Variants in THSD7B observed in about 807,000 individuals in gnomAD.
THSD7B encodes thrombospondin type 1 domain containing 7B.
A neutral mutation model predicts 213.6 loss-of-function variants in THSD7B; 138 were observed. That is an observed-to-expected ratio of 0.65 (90% confidence interval 0.56 to 0.74). THSD7B has a LOEUF of 0.74. Ranked by LOEUF, THSD7B falls within the 30% of genes least tolerant of loss-of-function variation. The probability of loss-of-function intolerance (pLI) is 0.00; values close to 1 mark genes in which losing one functional copy is unlikely to be tolerated. For missense variants in THSD7B, 1,931 were observed against 1,991.5 expected (o/e 0.97, Z 0.58); for synonymous variants, 742 against 687.0 (o/e 1.08, Z -1.25).
At position 137,238,564 on chromosome 2, in the gene THSD7B, T is replaced by TTTTTTTTC. The variant is rs1553481982; in HGVS notation, c.2151-3893_2151-3892insTTTTTTTC. 5.3e-4 allele frequency among the ~76,000 whole-genome samples: 44 copies of TTTTTTTTC among 83,418 alleles called. 1 individual carries two copies. The highest frequency in any genetic ancestry group is 7.4e-3 in the Middle Eastern group (1 of 136). 54.7% of individuals were successfully genotyped at this position (83,418 alleles called of 152,430 possible). ...TTTTTTTTTTTTTTTTTTTTTTTTT[T>TTTTTTTTC]GAGACGGAGTCTCGCTCTGTCGCCC... On this transcript the variant is annotated intron_variant, in intron 9 of 27. Coordinates refer to ENST00000409968, the MANE Select transcript of THSD7B (RefSeq NM_001316349.2).
intron 14 of THSD7B, among the ~76,000 whole-genome samples, chr2:137,441,244 C>A (rs1687404041): frequency 6.6e-6 from 1 of 152,072 alleles, no homozygotes; most frequent in Admixed American, 6.6e-5. Context: ...CTCATGCTGT[C>A]TCTTCTTCAT....
chr2:137,521,537 A>G (rs1213586149), intron 15 of THSD7B, among the ~76,000 whole-genome samples: 5 of 151,490 alleles, frequency 3.3e-5, no homozygotes, highest in East Asian at 3.9e-4. Flanking sequence ...TTCTTGTTGG[A>G]CTCTTTCTCT....
At chr2:137,316,776 G>GA (rs1229992718) in intron 12 of THSD7B, among the ~76,000 whole-genome samples, 3 of 144,472 alleles carry the variant, frequency 2.1e-5, no homozygotes, top group South Asian at 2.3e-4. Context: ...AAAAGAAAAA[G>GA]AAAAAAAAAG....
chr2:137,583,573 C>A (rs1681636823), intron 17 of THSD7B, among the ~76,000 whole-genome samples: 1 of 152,138 alleles, frequency 6.6e-6, no homozygotes, highest in Admixed American at 6.6e-5. Context: ...CCAGTTTTCC[C>A]AGCACCATTT....
chr2:137,297,498 T>A (rs1473029133), intron 12 of THSD7B, among the ~76,000 whole-genome samples: 1 of 151,948 alleles, frequency 6.6e-6, no homozygotes, highest in Non-Finnish European at 1.5e-5. Flanking sequence ...AGGAGTAAAT[T>A]GATCACCAAA....
At position 137,545,119 on chromosome 2, in the gene THSD7B, A is replaced by T. The variant is rs189405860; in HGVS notation, c.3139-18102A>T. On this transcript the variant is annotated intron_variant, in intron 15 of 27. Coordinates refer to ENST00000409968, the MANE Select transcript of THSD7B (RefSeq NM_001316349.2). ...TTGTGGGAATGCAGCTGTATTTTTG[A>T]TGAAGAAAATGAGACAGTTGGAATT... is the stretch of plus-strand genomic sequence containing the variant. Among the ~76,000 whole-genome samples, 370 of 151,926 alleles carry T rather than the reference A, an allele frequency of 2.4e-3. 1 individual carries two copies. The highest frequency in any genetic ancestry group is 8.4e-3 in the African/African-American group (350 of 41,516).
intron 15 of THSD7B, among the ~76,000 whole-genome samples, chr2:137,468,493 A>C (rs866013699): frequency 5.3e-5 from 8 of 151,832 alleles, no homozygotes; most frequent in African/African-American, 1.9e-4. Context: ...CATGTGTCTT[A>C]TCTTCTATCG....
intron 2 of THSD7B, among the ~76,000 whole-genome samples, chr2:136,934,545 A>G (rs183121843): frequency 2.0e-5 from 3 of 152,326 alleles, no homozygotes; most frequent in Middle Eastern, 3.4e-3. Flanking sequence ...ATGAATCTGT[A>G]GACCTGCAGA....
intron 15 of THSD7B, among the ~76,000 whole-genome samples, chr2:137,513,956 C>T (rs896253575): frequency 6.6e-6 from 1 of 152,192 alleles, no homozygotes; most frequent in East Asian, 1.9e-4. Flanking sequence ...CTCAAAGTAG[C>T]AACACAGTTG....
At chr2:137,404,660 G>A (rs1174493394) in intron 12 of THSD7B, among the ~76,000 whole-genome samples, 1 of 150,294 alleles carries the variant, frequency 6.7e-6, no homozygotes, top group Admixed American at 6.6e-5. Flanking sequence ...ATATATGATG[G>A]AATATTACTC....
At chr2:137,384,006 A>T (rs1416356010) in intron 12 of THSD7B, among the ~76,000 whole-genome samples, 2 of 152,170 alleles carry the variant, frequency 1.3e-5, no homozygotes, top group Admixed American at 1.3e-4. Context: ...TTTTTAAAAA[A>T]ATCTCATGGG....
intron 15 of THSD7B, among the ~76,000 whole-genome samples, chr2:137,455,896 G>A (rs930372196): frequency 2.0e-5 from 3 of 152,124 alleles, no homozygotes; most frequent in Non-Finnish European, 2.9e-5. Context: ...TTAAAGCCCT[G>A]TTGGACTTAC....
chr2:137,478,016 T>A (rs902751768), intron 15 of THSD7B, among the ~76,000 whole-genome samples: 1 of 152,114 alleles, frequency 6.6e-6, no homozygotes, highest in African/African-American at 2.4e-5. Context: ...TGTAGAATTC[T>A]CTTTTTCTTT....
Position 137,453,588 on chromosome 2 carries a change from C to G in THSD7B, c.3138+2565C>G, listed in dbSNP as rs754824138. On this transcript the variant is annotated intron_variant, in intron 15 of 27. Transcript: ENST00000409968. The stretch of plus-strand genomic sequence containing the variant: ...TCGTGCTCTGCCCGCCTCGGCCTCC[C>G]AAAGTGCTGGGATTACAGGCGTGAG... Among the ~76,000 whole-genome samples the G allele has an allele frequency of 8.6e-4, 131 of 152,222 alleles. 1 individual carries two copies. Among genetic ancestry groups the G allele is most frequent in the Non-Finnish European group, 1.4e-3 (96 of 68,000 alleles).
intron 2 of THSD7B, among the ~76,000 whole-genome samples, chr2:137,002,078 C>T (rs1026409810): frequency 1.3e-5 from 2 of 152,060 alleles, no homozygotes; most frequent in Non-Finnish European, 2.9e-5. Context: ...TGACTTTTGC[C>T]TTCCGCATAT....
At chr2:137,234,549 A>T (rs1329755209) in intron 9 of THSD7B, among the ~76,000 whole-genome samples, 3 of 152,148 alleles carry the variant, frequency 2.0e-5, no homozygotes, top group Non-Finnish European at 4.4e-5. Context: ...TGCAAGTCGT[A>T]CTGTGACTTG....
At chr2:137,352,212 G>A (rs1179760056) in intron 12 of THSD7B, among the ~76,000 whole-genome samples, 1 of 151,852 alleles carries the variant, frequency 6.6e-6, no homozygotes, top group African/African-American at 2.4e-5. Flanking sequence ...AAATTTTCAT[G>A]TAATTATAAA....
chr2:137,360,818 C>A (rs1685239109), intron 12 of THSD7B, among the ~76,000 whole-genome samples: 1 of 152,234 alleles, frequency 6.6e-6, no homozygotes, highest in African/African-American at 2.4e-5. Flanking sequence ...CTTCTGCAGA[C>A]TTAAACATCC....
At chr2:136,932,539 T>C (rs543986013) in intron 2 of THSD7B, among the ~76,000 whole-genome samples, 2 of 152,214 alleles carry the variant, frequency 1.3e-5, no homozygotes, top group Non-Finnish European at 2.9e-5. Context: ...TAACCTATTT[T>C]GTATATTATA....
Sources: allele counts gnomAD v4.1 joint callset (sites outside exome capture counted in the v4.1 genomes callset), GRCh38; gene constraint gnomAD v4.1.1; transcripts MANE v1.5; gene names NCBI Gene and HGNC (gene_info 2026-07-23, HGNC 2026-07-21).